The following NAV3 variants were observed in gnomAD, a reference collection of about 807,000 sequenced individuals.
NAV3 encodes the protein pore membrane and/or filament interacting like protein 1.
Under a neutral mutation model 244.7 loss-of-function variants are expected in NAV3, and 87 were observed. That is an observed-to-expected ratio of 0.36 (90% confidence interval 0.30 to 0.42). The LOEUF (loss-of-function observed/expected upper bound fraction) is 0.42, where lower values mean the gene tolerates loss of function less well. Ranked by LOEUF, NAV3 falls within the 20% of genes least tolerant of loss-of-function variation. NAV3 has a pLI of 1.00. For missense variants in NAV3, 2,663 were observed against 2,893.3 expected (o/e 0.92, Z 1.83); for synonymous variants, 1,126 against 1,042.2 (o/e 1.08, Z -1.55).
At chr12:77,644,303 G>C (rs1307689386) in intron 2 of NAV3, among the ~76,000 whole-genome samples, 3 of 152,042 alleles carry the variant, frequency 2.0e-5, no homozygotes, top group Admixed American at 1.3e-4. Context: ...ATCTAAGGTG[G>C]CAAGAGGAAG....
intron 2 of NAV3, among the ~76,000 whole-genome samples, chr12:77,655,437 C>A (rs1007189110): frequency 9.2e-5 from 14 of 152,086 alleles, no homozygotes; most frequent in Admixed American, 1.3e-4. Context: ...ACAAAGCCTC[C>A]AAGAAATATG....
At position 77,755,652 on chromosome 12, in the gene NAV3, T is replaced by TCCTTCCTTCCTC. The variant is rs1268788080; in HGVS notation, c.72+183392_72+183393insTTCCTCCCTTCC. Among the ~76,000 whole-genome samples, 58 of 59,538 alleles carry TCCTTCCTTCCTC rather than the reference T, an allele frequency of 9.7e-4. 11 individuals are homozygous for TCCTTCCTTCCTC. Among genetic ancestry groups the TCCTTCCTTCCTC allele is most frequent in the African/African-American group, 3.4e-3 (39 of 11,426 alleles). The allele number at this position is 59,538 out of a possible 152,430, so 39.1% of individuals were successfully genotyped here. On this transcript the variant is annotated intron_variant, in intron 2 of 8. Coordinates refer to the NAV3 transcript ENST00000550042. ...TTCCTTCCTTCCTTCCTTCCTTCCT[T>TCCTTCCTTCCTC]CCTTCCACTCTCTCTCTTTCTTTCT...
intron 28 of NAV3, among the ~76,000 whole-genome samples, chr12:78,178,324 TA>T (rs1958342431): frequency 1.3e-5 from 2 of 152,026 alleles, no homozygotes; most frequent in Admixed American, 1.3e-4. Context: ...CACACCTGGC[TA>T]ATTTTTTGTA....
chr12:78,082,308 C>T (rs1191406496), intron 12 of NAV3, among the ~76,000 whole-genome samples: 2 of 151,976 alleles, frequency 1.3e-5, no homozygotes, highest in Non-Finnish European at 1.5e-5. Flanking sequence ...CTTAAGGGCA[C>T]GTATTAATAC....
At chr12:77,857,176 A>G (rs947003288) in intron 1 of NAV3, among the ~76,000 whole-genome samples, 2 of 152,082 alleles carry the variant, frequency 1.3e-5, no homozygotes, top group Non-Finnish European at 2.9e-5. Flanking sequence ...TTAATGAGGG[A>G]GTACACTTGA....
rs753962258 is a variant in NAV3 at position 78,006,666 on chromosome 12, T to A, written c.1128T>A (p.Thr376=). The stretch of plus-strand genomic sequence containing the variant: ...CACCTGTCTCAGAAGGGGTCAAAAC[T>A]GCTCCCTCAGGACAGAAATCCATGC... The part of the protein sequence containing the change: ...LKPPVSEGVK[T]APSGQKSMLE... The change falls in exon 8 of 40, where the codon ACT becomes ACA. Residue 376 remains threonine (T), a synonymous_variant. Coordinates refer to ENST00000397909, the MANE Select transcript of NAV3 (RefSeq NM_001024383.2). 6.2e-7 allele frequency: 1 copy of A among 1,614,162 alleles called. No individual in the cohort carries two copies. Among genetic ancestry groups the A allele is most frequent in the Non-Finnish European group, 8.5e-7 (1 of 1,180,034 alleles).
rs546062199 is a variant in NAV3 at position 77,974,501 on chromosome 12, T to G, written c.671+5799T>G. Among the ~76,000 whole-genome samples, 22 of 151,980 alleles carry G rather than the reference T, an allele frequency of 1.4e-4. No individual in the cohort carries two copies. The East Asian group carries it at 3.5e-3, about 24-fold the overall frequency. On this transcript the variant is annotated intron_variant, in intron 5 of 39. Transcript: ENST00000397909. ...TTTGTGGAGACATGGTTTCACCATG[T>G]TGGCCATGGTGGTCTCAAGCTCCTA... is the stretch of plus-strand genomic sequence containing the variant.
chr12:78,177,296 C>T lies in NAV3; in HGVS notation c.5280C>T (p.Pro1760=). The T allele has an allele frequency of 6.2e-7, 1 of 1,610,758 alleles. No individual in the cohort carries two copies. The highest frequency in any genetic ancestry group is 1.1e-5 in the South Asian group (1 of 90,094). ...ACTGTGGCTCAGCATCCATGAAGCC[C>T]TCACAATCTGCTTCAGCGTAAGTTG... ...AGDCGSASMK[P]SQSASASPLV... is the part of the protein sequence containing the mutation. The change falls in exon 27 of 40, where the codon CCC becomes CCT. Residue 1760 remains proline, a synonymous_variant. Coordinates refer to ENST00000397909, the MANE Select transcript of NAV3 (RefSeq NM_001024383.2).
At chr12:77,814,139 C>T (rs1321065009) in intron 2 of NAV3, among the ~76,000 whole-genome samples, 1 of 151,972 alleles carries the variant, frequency 6.6e-6, no homozygotes, top group Non-Finnish European at 1.5e-5. Context: ...AGTAAAGGAC[C>T]ACTGATCGAA....
intron 22 of NAV3, among the ~76,000 whole-genome samples, chr12:78,152,254 A>T (rs1957106940): frequency 1.3e-5 from 2 of 151,064 alleles, no homozygotes; most frequent in South Asian, 4.2e-4. Context: ...ATCTACTTTT[A>T]AAAAAAAGTT....
chr12:77,595,690 T>G (rs1157195366), intron 2 of NAV3, among the ~76,000 whole-genome samples: 1 of 152,146 alleles, frequency 6.6e-6, no homozygotes, highest in African/African-American at 2.4e-5. Context: ...ATCTTACCAA[T>G]TTTTATCTTC....
chr12:77,967,341 T>G (rs2137965747), intron 4 of NAV3, among the ~76,000 whole-genome samples: 1 of 152,144 alleles, frequency 6.6e-6, no homozygotes. Flanking sequence ...ATCTTTCAGG[T>G]TTATAGGAGA....
intron 20 of NAV3, among the ~76,000 whole-genome samples, chr12:78,140,791 G>A (rs765620082): frequency 2.0e-5 from 3 of 149,584 alleles, no homozygotes; most frequent in African/African-American, 4.9e-5. Flanking sequence ...AGCAGTAAGG[G>A]TAAAGGGTAA....
chr12:77,777,413 G>C (rs1429482754), intron 2 of NAV3, among the ~76,000 whole-genome samples: 3 of 152,168 alleles, frequency 2.0e-5, no homozygotes, highest in Non-Finnish European at 4.4e-5. Flanking sequence ...TAGGCATTGT[G>C]ACATGTTAGG....
chr12:77,748,608 A>T (rs1472908582), intron 2 of NAV3, among the ~76,000 whole-genome samples: 3 of 152,202 alleles, frequency 2.0e-5, no homozygotes, highest in Admixed American at 2.0e-4. Flanking sequence ...GAAACTGAGG[A>T]CATGATGCTA....
chr12:78,164,471 G>A (rs78764438), intron 23 of NAV3, among the ~76,000 whole-genome samples: 3,030 of 152,138 alleles, frequency 0.02, 113 homozygotes, highest in East Asian at 0.17. Flanking sequence ...TAAAAATTTA[G>A]TTGAATAGGA....
intron 2 of NAV3, among the ~76,000 whole-genome samples, chr12:77,646,905 C>T (rs906857186): frequency 9.9e-5 from 15 of 151,922 alleles, no homozygotes; most frequent in East Asian, 1.9e-4. Context: ...CCATCAATTC[C>T]ACTTCTAAGT....
chr12:77,765,756 C>T (rs192884723), intron 2 of NAV3, among the ~76,000 whole-genome samples: 85 of 151,856 alleles, frequency 5.6e-4, no homozygotes, highest in African/African-American at 2.0e-3. Context: ...GTTAGGCATG[C>T]AGACTGGGAA....
intron 2 of NAV3, among the ~76,000 whole-genome samples, chr12:77,649,585 G>A (rs1872737681): frequency 6.6e-6 from 1 of 152,058 alleles, no homozygotes; most frequent in African/African-American, 2.4e-5. Flanking sequence ...TAGAAAGATA[G>A]TCTTTAAATT....
Sources: allele counts gnomAD v4.1 joint callset (sites outside exome capture counted in the v4.1 genomes callset), GRCh38; gene constraint gnomAD v4.1.1; transcripts MANE v1.5; gene names NCBI Gene and HGNC (gene_info 2026-07-23, HGNC 2026-07-21).